Variants in ENDOV observed in about 807,000 individuals in gnomAD.
ENDOV encodes endonuclease V.
Under a neutral mutation model 39.4 loss-of-function variants are expected in ENDOV, and 37 were observed. That is an observed-to-expected ratio of 0.94 (90% CI 0.72 to 1.23). The LOEUF (loss-of-function observed/expected upper bound fraction) is 1.23, where lower values mean the gene tolerates loss of function less well. Among genes scored for constraint, ENDOV ranks in the 50% most tolerant of loss-of-function variants. The probability of loss-of-function intolerance (pLI) is 0.00; values close to 1 mark genes in which losing one functional copy is unlikely to be tolerated. For missense variants in ENDOV, 441 were observed against 375.7 expected, an observed-to-expected ratio of 1.17 and a Z score of -1.44; for synonymous variants, 186 against 163.4, an observed-to-expected ratio of 1.14 and a Z score of -1.05.
At chr17:80,430,504 G>A in intron 9 of ENDOV, 1 of 680,706 alleles carries the variant, frequency 1.5e-6, no homozygotes, top group African/African-American at 1.9e-5. Context: ...GACACGGGAG[G>A]GGTCCTAGCT....
rs901374029 is a variant in ENDOV, at chr17:80,415,168, T to G, written c.-27T>G. 3 of 1,611,278 alleles carry G rather than the reference T, an allele frequency of 1.9e-6. No individual in the cohort carries two copies. Among genetic ancestry groups the G allele is most frequent in the African/African-American group, 2.7e-5 (2 of 74,862 alleles). ...GAGCGAGTCGCTTCCGGAAGTGACG[T>G]GCGGAAGGGGTGCCCGGGACGAAGC... On this transcript the variant is annotated 5_prime_UTR_variant, in exon 1 of 10. Transcript: ENST00000518137.
chr17:80,425,652 C>T (rs957405563), intron 7 of ENDOV, 32 bp downstream of exon 7: 20 of 1,550,544 alleles, frequency 1.3e-5, no homozygotes, highest in Non-Finnish European at 1.6e-5. Flanking sequence ...GGAGGCAGCA[C>T]AGGCTCCTCT....
chr17:80,428,081 C>T (rs2145078912), intron 7 of ENDOV, among the ~76,000 whole-genome samples: 1 of 152,328 alleles, frequency 6.6e-6, no homozygotes, highest in East Asian at 1.9e-4. Context: ...GGGTCTGCCC[C>T]CATCCCAGCC....
chr17:80,425,344 T>C, intron 6 of ENDOV, 148 bp from the exon 7 acceptor site: 1 of 1,220,980 alleles, frequency 8.2e-7, no homozygotes, highest in Non-Finnish European at 1.1e-6. Flanking sequence ...GCCCTGAGGG[T>C]GGGCAGGCCC....
chr17:80,433,460 T>C lies in ENDOV; in HGVS notation c.839-2673T>C, dbSNP rs2083444520. Among the ~76,000 whole-genome samples the C allele has an allele frequency of 2.0e-5, 3 of 152,324 alleles. No homozygotes were observed. In the South Asian group the frequency reaches 6.2e-4, roughly 32 times the overall value. ...TCATCTACCAGGCTCCCACCTGAGC[T>C]GGCAGCTCCTCACGCCATCCCAAGC... On this transcript the variant is annotated intron_variant, in intron 9 of 9. Coordinates refer to ENST00000518137, the MANE Select transcript of ENDOV (RefSeq NM_173627.5).
intron 8 of ENDOV, 45 bp from the exon 9 acceptor site, chr17:80,429,728 A>G: frequency 1.3e-6 from 2 of 1,547,760 alleles, no homozygotes; most frequent in Non-Finnish European, 1.7e-6. Flanking sequence ...GGTGTCAGGT[A>G]GGCGCTAGCA....
intron 8 of ENDOV, 68 bp downstream of exon 8, chr17:80,428,728 T>C: frequency 6.9e-7 from 1 of 1,442,140 alleles, no homozygotes; most frequent in Non-Finnish European, 9.5e-7. Flanking sequence ...CTGTTTCCGG[T>C]GGCTCAGCCT....
At chr17:80,422,861 G>A (rs963132067) in intron 4 of ENDOV, among the ~76,000 whole-genome samples, 4 of 152,200 alleles carry the variant, frequency 2.6e-5, no homozygotes, top group Non-Finnish European at 4.4e-5. Flanking sequence ...CACCACGCCC[G>A]GCTAATTTTT....
rs1409448664 is a variant in ENDOV, at chr17:80,422,338, C to T, written c.403+93C>T. The stretch of plus-strand genomic sequence containing the variant: ...CGTCCCCCACAGAAAATGCTGGGCC[C>T]TCGGCCTCTGCCGCCAGCCCCCTCC... On this transcript the variant is annotated intron_variant, in intron 4 of 9. Coordinates refer to ENST00000518137, the MANE Select transcript of ENDOV (RefSeq NM_173627.5). 11 of 1,483,558 alleles carry T rather than the reference C, an allele frequency of 7.4e-6. No homozygotes were observed. The East Asian group carries it at 2.6e-4, about 35-fold the overall frequency. 91.9% of individuals were successfully genotyped at this position (1,483,558 alleles called of 1,614,324 possible).
At chr17:80,424,820 T>G (rs2082482708) in intron 5 of ENDOV, among the ~76,000 whole-genome samples, 1 of 152,168 alleles carries the variant, frequency 6.6e-6, no homozygotes, top group South Asian at 2.1e-4. Flanking sequence ...CCGGGCGTGG[T>G]GGCACATGCC....
intron 9 of ENDOV, 74 bp downstream of exon 9, chr17:80,429,905 G>A (rs745987698): frequency 5.0e-6 from 8 of 1,610,570 alleles, no homozygotes; most frequent in African/African-American, 4.0e-5. Flanking sequence ...AGGAGCAGGC[G>A]GGCAAGGACT....
chr17:80,425,208 AC>A (rs367927328), intron 6 of ENDOV, 108 bp downstream of exon 6: 11 of 972,350 alleles, frequency 1.1e-5, no homozygotes, highest in Admixed American at 2.4e-5. Flanking sequence ...GCCCACATCA[AC>A]CCCCCGCCTG....
At chr17:80,422,365 A>G (rs896394616) in intron 4 of ENDOV, 120 bp downstream of exon 4, 6 of 1,231,556 alleles carry the variant, frequency 4.9e-6, no homozygotes, top group African/African-American at 4.5e-5. Context: ...GCCCCCTCCA[A>G]TGGCTTCTTT....
chr17:80,436,440 C>A lies in ENDOV; in HGVS notation c.*297C>A. On this transcript the variant is annotated 3_prime_UTR_variant, in exon 10 of 10. Transcript: ENST00000518137. ...AGGATGCTCTTCATCCAGCTGAAGA[C>A]GGTCCCTTCTAGTCCTAATTTGTTA... 2.5e-6 allele frequency: 3 copies of A among 1,208,650 alleles called. No individual in the cohort carries two copies. The highest frequency in any genetic ancestry group is 3.3e-6 in the Non-Finnish European group (3 of 915,982). 74.9% of individuals were successfully genotyped at this position (1,208,650 alleles called of 1,614,324 possible).
chr17:80,416,753 T>C (rs2081262766), intron 2 of ENDOV, among the ~76,000 whole-genome samples: 1 of 137,114 alleles, frequency 7.3e-6, no homozygotes, highest in African/African-American at 2.7e-5. Context: ...CCTCTCTCTG[T>C]CTCTCTTTCC....
intron 9 of ENDOV, chr17:80,433,043 C>A: frequency 2.0e-6 from 1 of 506,630 alleles, no homozygotes. Context: ...AATGCCTCTC[C>A]CCTCTCCACA....
rs41300784 is a variant in ENDOV at position 80,428,873 on chromosome 17, A to G, written c.779+213A>G. Among the ~76,000 whole-genome samples the G allele has an allele frequency of 1.9e-3, 286 of 152,212 alleles. 1 individual carries two copies. The highest frequency in any genetic ancestry group is 3.1e-3 in the Non-Finnish European group (211 of 68,006). ...ATTCTCGTGGGAACTCTCCAGAAAC[A>G]CCACTGCCTCCACGCAAAGCCCTGG... On this transcript the variant is annotated intron_variant, in intron 8 of 9. Transcript: ENST00000518137.
intron 2 of ENDOV, chr17:80,417,330 C>T (rs755049675): frequency 2.0e-5 from 3 of 152,280 alleles, no homozygotes; most frequent in Non-Finnish European, 2.9e-5. Flanking sequence ...TACTACTCAT[C>T]TCTTTGGGCT....
In ENDOV at chr17:80,421,833, G is replaced by A. The variant is rs927176013; in HGVS notation, c.234G>A (p.Val78=). The change falls in exon 3 of 10, where the codon GTG becomes GTA. Residue 78 remains valine (V), a synonymous_variant. Coordinates refer to ENST00000518137, the MANE Select transcript of ENDOV (RefSeq NM_173627.5). ...AGCTGCGTGCCTGGTGTCAGGTGGT[G>A]TATGAGGAGAGCCGCATGGTCAGCC... ...VVLSFPELEV[V]YEESRMVSLT... The A allele has an allele frequency of 6.9e-6, 11 of 1,596,588 alleles. No individual in the cohort carries two copies. The highest frequency in any genetic ancestry group is 3.5e-5 in the Admixed American group (2 of 57,588).
Sources: gnomAD v4.1 joint callset for allele counts (sites outside exome capture counted in the v4.1 genomes callset) on GRCh38, gnomAD v4.1.1 for gene constraint, MANE v1.5 for transcripts, NCBI Gene and HGNC (gene_info 2026-07-23, HGNC 2026-07-21) for gene names.